MAGI2: variants seen among roughly 807,000 people sequenced by gnomAD.
MAGI2 encodes the protein membrane-associated guanylate kinase, WW and PDZ domain-containing protein 2.
In MAGI2, 35 loss-of-function variants were observed where a neutral mutation model predicts 133.3. The observed-to-expected ratio is 0.26, with a 90% CI of 0.20 to 0.35. The LOEUF (loss-of-function observed/expected upper bound fraction) is 0.35, where lower values mean the gene tolerates loss of function less well. MAGI2 is among the 10% of genes least tolerant of loss of function. The pLI is 1.00. For synonymous variants in MAGI2, 729 were observed against 710.6 expected (o/e 1.03, Z -0.41); for missense variants, 1,636 against 1,863.4 (o/e 0.88, Z 2.25).
At chr7:78,956,084 G>A (rs1158766094) in intron 2 of MAGI2, among the ~76,000 whole-genome samples, 2 of 152,050 alleles carry the variant, frequency 1.3e-5, no homozygotes, top group Admixed American at 6.6e-5. Context: ...GACAGGTGAT[G>A]AGGTATTTAA....
chr7:79,062,182 G>C (rs1813818051), intron 1 of MAGI2, among the ~76,000 whole-genome samples: 1 of 151,986 alleles, frequency 6.6e-6, no homozygotes, highest in Admixed American at 6.6e-5. Flanking sequence ...CCCATGATTA[G>C]TTATAATTTC....
chr7:78,022,320 A>G (rs1217927277), intron 21 of MAGI2, among the ~76,000 whole-genome samples: 1 of 152,190 alleles, frequency 6.6e-6, no homozygotes, highest in East Asian at 1.9e-4. Context: ...CATGGTAATG[A>G]TATTTCACAT....
intron 1 of MAGI2, among the ~76,000 whole-genome samples, chr7:79,148,396 C>G (rs1404912540): frequency 6.6e-6 from 1 of 152,168 alleles, no homozygotes; most frequent in Admixed American, 6.5e-5. Context: ...AGTCACTGGC[C>G]TTCACTGGGT....
chr7:79,093,714 C>CTTTT (rs369075503), intron 1 of MAGI2, among the ~76,000 whole-genome samples: 6 of 113,254 alleles, frequency 5.3e-5, no homozygotes, highest in East Asian at 2.3e-4. Context: ...CTTTTCTTTT[C>CTTTT]TTTTTTTTTT....
chr7:78,918,193 G>C (rs1403499353), intron 2 of MAGI2, among the ~76,000 whole-genome samples: 3 of 152,060 alleles, frequency 2.0e-5, no homozygotes, highest in East Asian at 1.9e-4. Flanking sequence ...AAATTCCAAG[G>C]GTTTTAGGAG....
intron 14 of MAGI2, among the ~76,000 whole-genome samples, chr7:78,177,414 ACG>A (rs200364936): frequency 0.014 from 1,205 of 85,646 alleles, 8 homozygotes; most frequent in Middle Eastern, 0.047. Flanking sequence ...CACTGTGAAT[ACG>A]CGCACACACA....
chr7:78,976,435 A>G (rs1021494750), intron 2 of MAGI2, among the ~76,000 whole-genome samples: 10 of 151,402 alleles, frequency 6.6e-5, no homozygotes, highest in Non-Finnish European at 1.2e-4. Context: ...AGCTTGGTAC[A>G]GAACATCCAC....
intron 2 of MAGI2, among the ~76,000 whole-genome samples, chr7:78,741,030 T>C (rs1822367855): frequency 6.7e-6 from 1 of 149,838 alleles, no homozygotes; most frequent in African/African-American, 2.5e-5. Flanking sequence ...TGTGCCAGGA[T>C]TTGAAGATAG....
chr7:78,416,344 T>A (rs910777573), intron 6 of MAGI2, among the ~76,000 whole-genome samples: 1 of 151,976 alleles, frequency 6.6e-6, no homozygotes. Context: ...AAGAGGAAAT[T>A]GGTTTAGGTT....
intron 2 of MAGI2, among the ~76,000 whole-genome samples, chr7:78,704,282 G>C (rs1818377771): frequency 1.3e-5 from 2 of 152,092 alleles, no homozygotes; most frequent in East Asian, 3.9e-4. Flanking sequence ...CTTTCCAAAA[G>C]GAGATATACA....
At chr7:78,998,371 A>G (rs1348654004) in intron 2 of MAGI2, among the ~76,000 whole-genome samples, 1 of 152,166 alleles carries the variant, frequency 6.6e-6, no homozygotes, top group East Asian at 1.9e-4. Flanking sequence ...AGAAAACCAC[A>G]GGATTTTAGA....
chr7:78,216,937 T>C (rs1788334540), intron 10 of MAGI2, among the ~76,000 whole-genome samples: 1 of 152,238 alleles, frequency 6.6e-6, no homozygotes, highest in African/African-American at 2.4e-5. Flanking sequence ...TCCTCACTCC[T>C]GGCCTCTGGA....
chr7:78,133,895 C>T (rs1273691230), intron 17 of MAGI2, among the ~76,000 whole-genome samples: 1 of 152,016 alleles, frequency 6.6e-6, no homozygotes, highest in Non-Finnish European at 1.5e-5. Context: ...ATTAGCATTC[C>T]CCTATGAACT....
rs1350417308 is a variant in MAGI2, at chr7:78,019,280, C to G, written c.*35G>C. The G allele has an allele frequency of 1.3e-6, 2 of 1,574,334 alleles. No individual in the cohort carries two copies. The highest frequency in any genetic ancestry group is 1.7e-6 in the Non-Finnish European group (2 of 1,169,362). ...GACGGAACCTAAGAAGAACTGCCTG[C>G]GCCGGGGCGGGCGGGTTGGCCGTGG... On this transcript the variant is annotated 3_prime_UTR_variant, in exon 22 of 22. Transcript: ENST00000354212.
chr7:79,318,191 C>G (rs1167033118), intron 1 of MAGI2, among the ~76,000 whole-genome samples: 1 of 152,094 alleles, frequency 6.6e-6, no homozygotes, highest in Non-Finnish European at 1.5e-5. Context: ...ATAAAATCAC[C>G]TCTATATATT....
chr7:78,513,628 G>A (rs1318638938), intron 4 of MAGI2, among the ~76,000 whole-genome samples: 2 of 152,134 alleles, frequency 1.3e-5, no homozygotes, highest in African/African-American at 4.8e-5. Flanking sequence ...AATTCCATGG[G>A]CTTTCTGTAA....
intron 14 of MAGI2, among the ~76,000 whole-genome samples, chr7:78,175,809 C>T (rs1036354076): frequency 7.9e-5 from 12 of 151,856 alleles, no homozygotes; most frequent in African/African-American, 2.2e-4. Flanking sequence ...ATGGAGTACT[C>T]ATGTTGGAAA....
intron 2 of MAGI2, among the ~76,000 whole-genome samples, chr7:78,808,494 G>C (rs958386874): frequency 6.6e-6 from 1 of 152,186 alleles, no homozygotes; most frequent in Admixed American, 6.5e-5. Flanking sequence ...TTGACCTCGT[G>C]ATCCGCCCGC....
intron 1 of MAGI2, among the ~76,000 whole-genome samples, chr7:79,351,601 A>C (rs565277580): frequency 6.6e-6 from 1 of 152,350 alleles, no homozygotes; most frequent in African/African-American, 2.4e-5. Flanking sequence ...AGGTTGAAGT[A>C]GATTATTTTA....
Sources: gnomAD v4.1 joint callset for allele counts (sites outside exome capture counted in the v4.1 genomes callset) on GRCh38, gnomAD v4.1.1 for gene constraint, MANE v1.5 for transcripts, NCBI Gene and HGNC (gene_info 2026-07-23, HGNC 2026-07-21) for gene names.